Variants in NALF1 observed in about 807,000 individuals in gnomAD.
The protein encoded by NALF1 is NALCN channel auxiliary factor 1, also known as family with sequence similarity 155 member A.
In NALF1, 3 loss-of-function variants were observed where a neutral mutation model predicts 48.4. The ratio of observed to expected loss-of-function variants is 0.06; its 90% confidence interval spans 0.03 to 0.16. The LOEUF is 0.16. Ranked by LOEUF, NALF1 falls within the 10% of genes least tolerant of loss-of-function variation. The pLI, the probability that NALF1 is intolerant of heterozygous loss-of-function variation, is 1.00. For missense variants in NALF1, 526 were observed against 571.5 expected, an observed-to-expected ratio of 0.92 and a Z score of 0.81; for synonymous variants, 262 against 245.7, an observed-to-expected ratio of 1.07 and a Z score of -0.62.
intron 1 of NALF1, among the ~76,000 whole-genome samples, chr13:107,422,605 A>T (rs1423367449): frequency 6.6e-6 from 1 of 152,168 alleles, no homozygotes; most frequent in African/African-American, 2.4e-5. Flanking sequence ...AATTAAGCAT[A>T]GCAGGCAGAG....
chr13:107,815,976 G>T lies in NALF1; in HGVS notation c.915+49706C>A, dbSNP rs906621256. ...GATTAGTAGGTGCCTAGGATTGGGG[G>T]TATTAAAAGGAAATGGGGAGTGGCT... is the stretch of plus-strand genomic sequence containing the variant. On this transcript the variant is annotated intron_variant, in intron 1 of 2. Coordinates refer to ENST00000375915, the MANE Select transcript of NALF1 (RefSeq NM_001080396.3). Among the ~76,000 whole-genome samples the T allele has an allele frequency of 1.3e-5, 2 of 152,242 alleles. 1 individual carries two copies.
chr13:107,309,128 C>G (rs747310686), intron 1 of NALF1, among the ~76,000 whole-genome samples: 4 of 143,722 alleles, frequency 2.8e-5, no homozygotes, highest in Non-Finnish European at 6.1e-5. Context: ...ATGGTGAGTA[C>G]GTCATCTTAC....
At chr13:107,325,887 T>TATACACACAC (rs752320518) in intron 1 of NALF1, among the ~76,000 whole-genome samples, 49 of 58,856 alleles carry the variant, frequency 8.3e-4, no homozygotes, top group Non-Finnish European at 1.4e-3. Context: ...TATATATATA[T>TATACACACAC]ACACACACAC....
At chr13:107,178,297 A>G (rs1878982539) in intron 2 of NALF1, among the ~76,000 whole-genome samples, 1 of 152,222 alleles carries the variant, frequency 6.6e-6, no homozygotes, top group Non-Finnish European at 1.5e-5. Context: ...CATTTGAAGA[A>G]TACTCATTTG....
chr13:107,389,427 T>C (rs1883584237), intron 1 of NALF1, among the ~76,000 whole-genome samples: 1 of 152,040 alleles, frequency 6.6e-6, no homozygotes, highest in Admixed American at 6.6e-5. Context: ...GATACATGTG[T>C]AGAAGAAAGA....
At chr13:107,811,718 G>C (rs923260825) in intron 1 of NALF1, among the ~76,000 whole-genome samples, 1 of 152,130 alleles carries the variant, frequency 6.6e-6, no homozygotes, top group East Asian at 1.9e-4. Flanking sequence ...CTGAAAGCTG[G>C]TAAGTCCAAG....
intron 1 of NALF1, among the ~76,000 whole-genome samples, chr13:107,833,164 C>A (rs1267251171): frequency 6.6e-6 from 1 of 152,136 alleles, no homozygotes; most frequent in East Asian, 1.9e-4. Flanking sequence ...TAGCATACCA[C>A]TTTGAACATA....
intron 1 of NALF1, among the ~76,000 whole-genome samples, chr13:107,557,852 C>T (rs1018601): frequency 0.25 from 37,714 of 151,874 alleles, 4,961 homozygotes; most frequent in East Asian, 0.46. Context: ...GGCTCTACAT[C>T]GACTCTAATT....
intron 1 of NALF1, among the ~76,000 whole-genome samples, chr13:107,561,797 G>C (rs1267598835): frequency 6.6e-6 from 1 of 152,138 alleles, no homozygotes; most frequent in Non-Finnish European, 1.5e-5. Context: ...TAGGACTCAT[G>C]GTAAACCTGT....
chr13:107,293,202 G>A (rs899995302), intron 1 of NALF1, among the ~76,000 whole-genome samples: 5 of 151,614 alleles, frequency 3.3e-5, no homozygotes, highest in African/African-American at 1.2e-4. Flanking sequence ...GGATGCTCTC[G>A]ATCTCCTGAC....
At chr13:107,225,961 T>C (rs1880094681) in intron 1 of NALF1, among the ~76,000 whole-genome samples, 2 of 125,680 alleles carry the variant, frequency 1.6e-5, no homozygotes, top group South Asian at 2.3e-4. Flanking sequence ...CCTTACACAT[T>C]AAAACAAACA....
chr13:107,478,327 G>T (rs933336730), intron 1 of NALF1, among the ~76,000 whole-genome samples: 3 of 152,050 alleles, frequency 2.0e-5, no homozygotes, highest in African/African-American at 4.8e-5. Flanking sequence ...TTTATTTCTA[G>T]TTGGACCTTA....
At chr13:107,559,756 C>T (rs1207103872) in intron 1 of NALF1, among the ~76,000 whole-genome samples, 5 of 152,220 alleles carry the variant, frequency 3.3e-5, no homozygotes, top group Admixed American at 6.5e-5. Context: ...CACTCACACA[C>T]ACTCATTCCC....
intron 1 of NALF1, among the ~76,000 whole-genome samples, chr13:107,756,775 G>A (rs1210390922): frequency 6.6e-6 from 1 of 151,990 alleles, no homozygotes. Context: ...ATTAACCCTC[G>A]GAACCAGGAC....
chr13:107,714,711 C>G (rs1251981688), intron 1 of NALF1, among the ~76,000 whole-genome samples: 1 of 150,142 alleles, frequency 6.7e-6, no homozygotes, highest in Non-Finnish European at 1.5e-5. Flanking sequence ...TGTTTTGACA[C>G]TTAAGAGTTT....
intron 1 of NALF1, among the ~76,000 whole-genome samples, chr13:107,350,256 A>G (rs190366893): frequency 1.3e-5 from 2 of 152,272 alleles, no homozygotes; most frequent in Admixed American, 1.3e-4. Context: ...AGTTACTAAG[A>G]CTCAAATGTA....
chr13:107,412,051 C>A (rs919833328), intron 1 of NALF1, among the ~76,000 whole-genome samples: 3 of 152,166 alleles, frequency 2.0e-5, no homozygotes, highest in African/African-American at 7.2e-5. Flanking sequence ...ATGAACCGCA[C>A]AATCCTCAGC....
At chr13:107,516,615 G>GAA (rs376121945) in intron 1 of NALF1, among the ~76,000 whole-genome samples, 53 of 149,392 alleles carry the variant, frequency 3.5e-4, no homozygotes, top group African/African-American at 1.2e-3. Flanking sequence ...ATTGCATTTA[G>GAA]AAAAAAAAAA....
At chr13:107,609,311 T>C (rs1879159910) in intron 1 of NALF1, among the ~76,000 whole-genome samples, 1 of 152,190 alleles carries the variant, frequency 6.6e-6, no homozygotes, top group African/African-American at 2.4e-5. Context: ...CATTCTGTCC[T>C]TGCAACCTGG....
Sources: allele counts gnomAD v4.1 joint callset (sites outside exome capture counted in the v4.1 genomes callset), GRCh38; gene constraint gnomAD v4.1.1; transcripts MANE v1.5; gene names NCBI Gene and HGNC (gene_info 2026-07-23, HGNC 2026-07-21).